SMARCC1: variants seen among roughly 807,000 people sequenced by gnomAD.
SMARCC1 encodes SWI/SNF related BAF chromatin remodeling complex subunit C1, also known as SWI/SNF complex subunit SMARCC1.
SMARCC1 carries 43 observed loss-of-function variants against 147.4 expected under a neutral mutation model. The ratio of observed to expected loss-of-function variants is 0.29; its 90% CI spans 0.23 to 0.38. The LOEUF (loss-of-function observed/expected upper bound fraction) is 0.38. Among genes scored for constraint, SMARCC1 ranks in the 10% least tolerant of loss-of-function variants. The pLI, the probability that SMARCC1 is intolerant of heterozygous loss-of-function variation, is 1.00. For missense variants in SMARCC1, 1,119 were observed against 1,381.1 expected (o/e 0.81, Z 3.01); for synonymous variants, 495 against 484.4 (o/e 1.02, Z -0.29).
At chr3:47,777,434 TG>T (rs956564780) in intron 1 of SMARCC1, among the ~76,000 whole-genome samples, 1 of 152,010 alleles carries the variant, frequency 6.6e-6, no homozygotes, top group Admixed American at 6.6e-5. Flanking sequence ...GGCTCATGAC[TG>T]TAATCCCAGT....
chr3:47,745,764 C>A (rs1474289338), intron 3 of SMARCC1, 144 bp downstream of exon 3: 1 of 493,162 alleles, frequency 2.0e-6, no homozygotes. Context: ...TGATATTTTT[C>A]TTGGATGTAG....
chr3:47,602,030 T>C (rs1254520984), intron 26 of SMARCC1, among the ~76,000 whole-genome samples: 13 of 151,894 alleles, frequency 8.6e-5, no homozygotes, highest in Admixed American at 8.5e-4. Context: ...CGGTGTGGGG[T>C]TGAGTCCAGG....
chr3:47,695,624 G>A (rs533205437), intron 11 of SMARCC1, among the ~76,000 whole-genome samples: 2 of 150,812 alleles, frequency 1.3e-5, no homozygotes, highest in South Asian at 4.2e-4. Context: ...AAAATTAGTA[G>A]GGCATGGTGG....
chr3:47,646,875 T>C (rs1157931983), intron 21 of SMARCC1, among the ~76,000 whole-genome samples: 1 of 152,184 alleles, frequency 6.6e-6, no homozygotes, highest in Non-Finnish European at 1.5e-5. Context: ...TTGGCATTCA[T>C]TCCAGAATAT....
rs758364572 is a variant in SMARCC1, at chr3:47,588,222, G to A, written c.3305C>T (p.Ser1102Leu). 1.9e-6 allele frequency: 3 copies of A among 1,613,744 alleles called. No individual in the cohort carries two copies. The highest frequency in any genetic ancestry group is 1.3e-5 in the African/African-American group (1 of 75,038). The change falls in exon 28 of 28, where the codon TCA becomes TTA. Residue 1102 changes from serine (S) to leucine (L), a missense_variant. Coordinates refer to ENST00000254480, the MANE Select transcript of SMARCC1 (RefSeq NM_003074.4). ...PPPPAPGPPA[S>L]AAP ...GCATCTTCCAGGCTAAGGAGCAGCTGAGGCTGGCGGGCCAGGAGCAGGAGG... is the reference window on the plus strand; with the variant it reads ...GCATCTTCCAGGCTAAGGAGCAGCTAAGGCTGGCGGGCCAGGAGCAGGAGG...
intron 21 of SMARCC1, among the ~76,000 whole-genome samples, chr3:47,646,634 A>G (rs1347633041): frequency 1.3e-5 from 2 of 152,242 alleles, no homozygotes; most frequent in Non-Finnish European, 2.9e-5. Context: ...TGCCTTTAAT[A>G]TAAGTGTGTA....
intron 21 of SMARCC1, among the ~76,000 whole-genome samples, chr3:47,649,137 A>T (rs919503274): frequency 1.3e-5 from 2 of 152,242 alleles, no homozygotes; most frequent in Non-Finnish European, 2.9e-5. Context: ...TAAATATAAC[A>T]AAGAGAAAGA....
rs201963523 is a variant in SMARCC1 at position 47,723,643 on chromosome 3, T to C, written c.647-2908A>G. ...GCCTGGCCAACATGATGAAACCTTG[T>C]CTCTACTAAAACTACAAAAATTAGC... On this transcript the variant is annotated intron_variant, in intron 6 of 27. Transcript: ENST00000254480. Among the ~76,000 whole-genome samples the C allele has an allele frequency of 2.6e-4, 40 of 152,058 alleles. No homozygotes were observed. The East Asian group carries it at 6.8e-3, about 26-fold the overall frequency.
chr3:47,631,987 T>C (rs1453621968), intron 24 of SMARCC1, among the ~76,000 whole-genome samples: 1 of 152,162 alleles, frequency 6.6e-6, no homozygotes, highest in Non-Finnish European at 1.5e-5. Flanking sequence ...CTTTCATAAC[T>C]CAGAGGGAAA....
chr3:47,692,113 C>T (rs1234153632), intron 12 of SMARCC1, among the ~76,000 whole-genome samples: 3 of 152,100 alleles, frequency 2.0e-5, no homozygotes, highest in Non-Finnish European at 4.4e-5. Context: ...TTTAAAGTTC[C>T]GTAAAGTCAA....
rs776988969 is a variant in SMARCC1 at position 47,689,407 on chromosome 3, T to C, written c.1243A>G (p.Thr415Ala). 4 of 1,613,514 alleles carry C rather than the reference T, an allele frequency of 2.5e-6. No individual in the cohort carries two copies. In the South Asian group the frequency reaches 4.4e-5, roughly 18 times the overall value. ...VADLDEQDEE[T>A]VTAGGKEDED... Reference sequence around the variant, plus strand: ...GTTACCTTTCCTCCTGCTGTGACTGTTTCTTCATCCTGCTCATCTGCAAAA... The same window carrying C: ...GTTACCTTTCCTCCTGCTGTGACTGCTTCTTCATCCTGCTCATCTGCAAAA... The change falls in exon 13 of 28, where the codon ACA (threonine) becomes GCA (alanine). Residue 415 changes from threonine to alanine, a missense_variant. This residue lies in a region of SMARCC1 where 542 missense variants were observed against 611.8 expected (regional missense o/e 0.89). Coordinates refer to ENST00000254480, the MANE Select transcript of SMARCC1 (RefSeq NM_003074.4).
chr3:47,745,819 T>C (rs2034558589), intron 3 of SMARCC1, 89 bp downstream of exon 3: 3 of 727,466 alleles, frequency 4.1e-6, no homozygotes, highest in East Asian at 2.9e-5. Context: ...TTAATCATCA[T>C]GTGCTTACAG....
rs1213924072 is a variant in SMARCC1 at position 47,610,167 on chromosome 3, G to C, written c.2942C>G (p.Pro981Arg). ...HQHSGGPGLA[P>R]LGAAGHPGMM... ...GCCAGGGTGCCCTGCTGCTCCAAGT[G>C]GGGCCAGGCCAGGTCCTCCTGAGTG... The change falls in exon 26 of 28, where the codon CCA becomes CGA. Residue 981 changes from proline to arginine, a missense_variant. This residue lies in a region of SMARCC1 where 186 missense variants were observed against 216.5 expected (regional missense o/e 0.86). Transcript: ENST00000254480. 1 of 1,613,998 alleles carries C rather than the reference G, an allele frequency of 6.2e-7. No individual in the cohort carries two copies. The highest frequency in any genetic ancestry group is 1.3e-5 in the African/African-American group (1 of 74,930).
chr3:47,677,645 G>T (rs1217042790), intron 16 of SMARCC1, among the ~76,000 whole-genome samples: 1 of 149,984 alleles, frequency 6.7e-6, no homozygotes, highest in Non-Finnish European at 1.5e-5. Flanking sequence ...TCTGTCTCCT[G>T]AGTTCTCCTG....
At chr3:47,756,103 G>A (rs868825913) in intron 2 of SMARCC1, among the ~76,000 whole-genome samples, 2 of 151,728 alleles carry the variant, frequency 1.3e-5, no homozygotes, top group African/African-American at 4.8e-5. Flanking sequence ...GAACCCAGGA[G>A]GCAGAGGTTG....
chr3:47,690,356 G>T (rs1185593243), intron 12 of SMARCC1, among the ~76,000 whole-genome samples: 1 of 152,124 alleles, frequency 6.6e-6, no homozygotes, highest in Non-Finnish European at 1.5e-5. Flanking sequence ...TAGAGAGGAA[G>T]TGGGTAGGTG....
At position 47,686,121 on chromosome 3, in the gene SMARCC1, C is replaced by G. The variant is rs1363461361; in HGVS notation, c.1313G>C (p.Gly438Ala). The G allele has an allele frequency of 1.2e-6, 2 of 1,611,724 alleles. No individual in the cohort carries two copies. The highest frequency in any genetic ancestry group is 1.3e-5 in the African/African-American group (1 of 74,812). The change falls in exon 14 of 28, where the codon GGG becomes GCG. Residue 438 changes from glycine (G) to alanine (A), a missense_variant. By Grantham distance (60) the Gly-to-Ala change is moderately conservative. Around this residue, in one of 6 missense-constraint regions of SMARCC1, gnomAD observed 542 missense variants for 611.8 expected, o/e 0.89. Coordinates refer to ENST00000254480, the MANE Select transcript of SMARCC1 (RefSeq NM_003074.4). ...GGTCTGCTCTGTCACATTATCTTCC[C>G]CAAGGTCAACTGATCGACTCTGATC... ...KGDQSRSVDLGEDNVTEQTNH... is the reference protein window; with the variant it reads ...KGDQSRSVDLAEDNVTEQTNH...
chr3:47,649,140 G>C (rs1235947012), intron 21 of SMARCC1, among the ~76,000 whole-genome samples: 2 of 152,126 alleles, frequency 1.3e-5, no homozygotes, highest in African/African-American at 4.8e-5. Context: ...ATATAACAAA[G>C]AGAAAGAGAG....
In SMARCC1 at chr3:47,781,857, C is replaced by T. The variant is rs534035447; in HGVS notation, c.-60G>A. 2,280 of 1,161,758 alleles carry T rather than the reference C, an allele frequency of 2.0e-3. 15 individuals carry two copies. The highest frequency in any genetic ancestry group is 0.014 in the Middle Eastern group (47 of 3,402). 72.0% of individuals were successfully genotyped at this position (1,161,758 alleles called of 1,614,324 possible). A position where few individuals can be genotyped will look rare whatever the true frequency, so the allele number is the denominator to read the frequency against. On this transcript the variant is annotated 5_prime_UTR_variant, in exon 1 of 28. Coordinates refer to ENST00000254480, the MANE Select transcript of SMARCC1 (RefSeq NM_003074.4). ...CCCGGCCCTCGCGGTGTTTCCCGGTCGTTCCCGCGCGCACCCCCGCGCGCG... is the reference window on the plus strand; with the variant it reads ...CCCGGCCCTCGCGGTGTTTCCCGGTTGTTCCCGCGCGCACCCCCGCGCGCG...
Sources: allele counts gnomAD v4.1 joint callset (sites outside exome capture counted in the v4.1 genomes callset), GRCh38; gene constraint gnomAD v4.1.1; regional missense constraint gnomAD v4.1.1; transcripts MANE v1.5; gene names NCBI Gene and HGNC (gene_info 2026-07-23, HGNC 2026-07-21).